TAFA2: variants seen among roughly 807,000 people sequenced by gnomAD.
The protein encoded by TAFA2 is TAFA chemokine like family member 2.
A neutral mutation model predicts 18.8 loss-of-function variants in TAFA2; 7 were observed. That is an observed-to-expected ratio of 0.37 (90% CI 0.21 to 0.70). TAFA2 has a LOEUF of 0.70. Among genes scored for constraint, TAFA2 ranks in the 30% least tolerant of loss-of-function variants. The probability of loss-of-function intolerance (pLI) is 0.53; values close to 1 mark genes in which losing one functional copy is unlikely to be tolerated. For synonymous variants in TAFA2, 60 were observed against 54.2 expected, an observed-to-expected ratio of 1.11 and a Z score of -0.47; for missense variants, 122 against 158.1, an observed-to-expected ratio of 0.77 and a Z score of 1.23.
chr12:61,917,199 T>A (rs1407167559), intron 1 of TAFA2, among the ~76,000 whole-genome samples: 1 of 152,186 alleles, frequency 6.6e-6, no homozygotes, highest in Non-Finnish European at 1.5e-5. Flanking sequence ...CAGGGAAACT[T>A]TTTTTGTTTT....
intron 1 of TAFA2, among the ~76,000 whole-genome samples, chr12:62,018,893 C>T (rs1157260288): frequency 2.6e-5 from 4 of 152,086 alleles, no homozygotes; most frequent in Admixed American, 6.5e-5. Context: ...AGGCAACCTA[C>T]AAAATGGGAG....
intron 1 of TAFA2, among the ~76,000 whole-genome samples, chr12:62,199,665 T>C (rs2062663287): frequency 6.6e-6 from 1 of 152,134 alleles, no homozygotes; most frequent in Non-Finnish European, 1.5e-5. Context: ...CTAGTGGGAA[T>C]TTGTGTGGAT....
intron 4 of TAFA2, among the ~76,000 whole-genome samples, chr12:61,712,193 G>A (rs1018418439): frequency 1.2e-4 from 19 of 152,158 alleles, no homozygotes; most frequent in East Asian, 7.8e-4. Context: ...CATAAATGTG[G>A]TGCCATGACT....
At chr12:62,018,000 A>G (rs1880996767) in intron 1 of TAFA2, among the ~76,000 whole-genome samples, 1 of 152,178 alleles carries the variant, frequency 6.6e-6, no homozygotes, top group South Asian at 2.1e-4. Context: ...CAAGATATTT[A>G]TGGAGAAATC....
intron 1 of TAFA2, among the ~76,000 whole-genome samples, chr12:61,947,442 A>G (rs1878314263): frequency 6.6e-6 from 1 of 151,838 alleles, no homozygotes; most frequent in Non-Finnish European, 1.5e-5. Context: ...ATGTACCCTA[A>G]AACTTAAAGT....
intron 1 of TAFA2, among the ~76,000 whole-genome samples, chr12:62,109,931 G>C (rs1250685333): frequency 2.6e-5 from 4 of 152,200 alleles, no homozygotes; most frequent in Middle Eastern, 3.4e-3. Context: ...CAAACAGAGT[G>C]AATGTGACTT....
intron 1 of TAFA2, among the ~76,000 whole-genome samples, chr12:62,035,889 G>A (rs1178888616): frequency 6.6e-6 from 1 of 151,282 alleles, no homozygotes; most frequent in African/African-American, 2.4e-5. Context: ...CTACAGGCGC[G>A]CGCCACCATG....
intron 4 of TAFA2, among the ~76,000 whole-genome samples, chr12:61,747,506 A>G (rs1414335146): frequency 6.7e-6 from 1 of 148,416 alleles, no homozygotes; most frequent in African/African-American, 2.5e-5. Flanking sequence ...AAAATGTGGC[A>G]CATATACACC....
chr12:61,751,543 G>T (rs1237689705), intron 4 of TAFA2, among the ~76,000 whole-genome samples: 1 of 151,714 alleles, frequency 6.6e-6, no homozygotes, highest in African/African-American at 2.4e-5. Context: ...TATCTTAAAA[G>T]AAACTAAATC....
At chr12:62,203,372 G>A (rs1338387730) in intron 1 of TAFA2, among the ~76,000 whole-genome samples, 1 of 152,210 alleles carries the variant, frequency 6.6e-6, no homozygotes, top group Non-Finnish European at 1.5e-5. Context: ...CCAGAGCTGA[G>A]TTCAAGTCCT....
At chr12:62,023,242 C>T (rs1434701194) in intron 1 of TAFA2, among the ~76,000 whole-genome samples, 2 of 151,646 alleles carry the variant, frequency 1.3e-5, no homozygotes, top group South Asian at 2.1e-4. Flanking sequence ...GGGAAAGGGG[C>T]TTAGTGAGGG....
At chr12:61,941,478 G>T (rs1199882498) in intron 1 of TAFA2, among the ~76,000 whole-genome samples, 1 of 152,228 alleles carries the variant, frequency 6.6e-6, no homozygotes, top group African/African-American at 2.4e-5. Flanking sequence ...AACAGCTCCA[G>T]TCTACAGCTC....
intron 1 of TAFA2, among the ~76,000 whole-genome samples, chr12:62,016,498 A>G (rs191604768): frequency 1.8e-3 from 276 of 152,286 alleles, no homozygotes; most frequent in Non-Finnish European, 3.3e-3. Flanking sequence ...ATACTGGAAA[A>G]GCTAATCGGA....
intron 1 of TAFA2, among the ~76,000 whole-genome samples, chr12:61,996,626 A>G (rs1374603530): frequency 2.0e-5 from 3 of 152,158 alleles, no homozygotes; most frequent in Admixed American, 2.0e-4. Flanking sequence ...ACTGAGTCAC[A>G]GCTGCCCACA....
intron 2 of TAFA2, among the ~76,000 whole-genome samples, chr12:61,838,829 G>A (rs1347973653): frequency 1.3e-5 from 2 of 152,044 alleles, no homozygotes; most frequent in African/African-American, 4.8e-5. Context: ...TAAAAGGTAT[G>A]TTTTTCAATA....
At chr12:61,866,061 A>C (rs959814376) in intron 2 of TAFA2, among the ~76,000 whole-genome samples, 1 of 152,198 alleles carries the variant, frequency 6.6e-6, no homozygotes, top group Non-Finnish European at 1.5e-5. Flanking sequence ...TACACTGATA[A>C]AAATATTAAA....
intron 2 of TAFA2, among the ~76,000 whole-genome samples, chr12:61,849,822 T>C (rs557413244): frequency 2.8e-4 from 42 of 152,290 alleles, no homozygotes; most frequent in African/African-American, 9.6e-4. Context: ...TTATAAGATA[T>C]ACAAAATAAC....
chr12:61,808,577 T>C (rs1216950504), intron 2 of TAFA2, among the ~76,000 whole-genome samples: 10 of 150,998 alleles, frequency 6.6e-5, no homozygotes, highest in Non-Finnish European at 1.0e-4. Context: ...GTGAGGAAAA[T>C]GGAGGTAGAA....
chr12:62,132,032 A>G (rs1319468293), intron 1 of TAFA2, among the ~76,000 whole-genome samples: 1 of 151,830 alleles, frequency 6.6e-6, no homozygotes, highest in African/African-American at 2.4e-5. Context: ...TGTTAAAACA[A>G]TGAACAAGTG....
Sources: gnomAD v4.1 joint callset for allele counts (sites outside exome capture counted in the v4.1 genomes callset) on GRCh38, gnomAD v4.1.1 for gene constraint, MANE v1.5 for transcripts, NCBI Gene and HGNC (gene_info 2026-07-23, HGNC 2026-07-21) for gene names.